The following DLG5 variants were observed in gnomAD, a reference collection of about 807,000 sequenced individuals.
DLG5 encodes the protein disks large homolog 5.
A neutral mutation model predicts 189.8 loss-of-function variants in DLG5; 48 were observed. The observed-to-expected ratio is 0.25, with a 90% CI of 0.20 to 0.32. DLG5 has a LOEUF of 0.32. Ranked by LOEUF, DLG5 falls within the 10% of genes least tolerant of loss-of-function variation. The pLI is 1.00. For synonymous variants in DLG5, 1,016 were observed against 1,054.1 expected, an observed-to-expected ratio of 0.96 and a Z score of 0.70; for missense variants, 2,160 against 2,544.7, an observed-to-expected ratio of 0.85 and a Z score of 3.25.
At chr10:77,892,335 GA>G (rs1170324351) in intron 1 of DLG5, among the ~76,000 whole-genome samples, 3 of 152,232 alleles carry the variant, frequency 2.0e-5, no homozygotes, top group African/African-American at 7.2e-5. Context: ...TGGCCCATTA[GA>G]AAGTGAGGAC....
chr10:77,868,435 G>A (rs1265618920), intron 2 of DLG5: 4 of 277,784 alleles, frequency 1.4e-5, no homozygotes, highest in East Asian at 9.7e-5. Flanking sequence ...AGAATCTCAG[G>A]CATGTGACTC....
rs146009016 is a variant in DLG5, at chr10:77,792,496, C to A, written c.5704G>T (p.Ala1902Ser). 1 of 1,614,182 alleles carries A rather than the reference C, an allele frequency of 6.2e-7. No individual in the cohort carries two copies. Among genetic ancestry groups the A allele is most frequent in the African/African-American group, 1.3e-5 (1 of 75,040 alleles). Reference sequence around the variant, plus strand: ...TTATTTTGTTCTTGATTGACCATTGCCAAGATCTGAGTGCAAATGCTTGAC... The same window carrying A: ...TTATTTTGTTCTTGATTGACCATTGACAAGATCTGAGTGCAAATGCTTGAC... Reference protein sequence around the residue: ...ALSSICTQILAMVNQEQNKVL... With the variant: ...ALSSICTQILSMVNQEQNKVL... The change falls in exon 32 of 32, where the codon GCA becomes TCA. Residue 1902 changes from alanine to serine, a missense_variant. Ala to Ser is a moderately conservative substitution (Grantham distance 99, BLOSUM62 1). This residue lies in a region of DLG5 where 574 missense variants were observed against 644.2 expected (regional missense o/e 0.89). Coordinates refer to ENST00000372391, the MANE Select transcript of DLG5 (RefSeq NM_004747.4).
Position 77,806,883 on chromosome 10 carries a change from A to G in DLG5, c.4842T>C (p.Phe1614=), listed in dbSNP as rs1355752485. Residue 1614 remains phenylalanine, a synonymous_variant, in exon 26 of 32, where the codon TTT becomes TTC. Transcript: ENST00000372391. ...RLADVEQELS[F]KKDDILYVDD... ...CCACGTAGAGGATGTCGTCCTTCTT[A>G]AAGCTCAACTCTTGCTCCACATCTG... 8 of 1,614,046 alleles carry G rather than the reference A, an allele frequency of 5.0e-6. No homozygotes were observed. The highest frequency in any genetic ancestry group is 6.8e-6 in the Non-Finnish European group (8 of 1,179,904).
Position 77,794,977 on chromosome 10 carries a change from A to G in DLG5, c.5437-19T>C. ...GTCGGTTCTGGGGTGGGGGGTGCAG[A>G]GTGAGCCCTGGCGGGCAGTGAGGGG... is the stretch of plus-strand genomic sequence containing the variant. On this transcript the variant is annotated intron_variant, in intron 29 of 31. Transcript: ENST00000372391. The G allele has an allele frequency of 1.2e-6, 2 of 1,609,058 alleles. No individual in the cohort carries two copies. Among genetic ancestry groups the G allele is most frequent in the Non-Finnish European group, 1.7e-6 (2 of 1,176,932 alleles).
chr10:77,900,484 G>A (rs769330904), intron 1 of DLG5, among the ~76,000 whole-genome samples: 26 of 152,138 alleles, frequency 1.7e-4, no homozygotes, highest in Non-Finnish European at 3.7e-4. Flanking sequence ...TTCACCCCGG[G>A]GCCCCCTTCC....
chr10:77,857,334 C>T (rs1248831264), intron 2 of DLG5, among the ~76,000 whole-genome samples: 2 of 152,226 alleles, frequency 1.3e-5, no homozygotes, highest in Non-Finnish European at 2.9e-5. Context: ...GAAAGGCACA[C>T]CTGAAATCCA....
chr10:77,899,873 C>T (rs1435568167), intron 1 of DLG5, among the ~76,000 whole-genome samples: 1 of 152,188 alleles, frequency 6.6e-6, no homozygotes, highest in Non-Finnish European at 1.5e-5. Context: ...TCATCCTTAT[C>T]TTGGACCAGT....
chr10:77,913,706 A>AGCCTCCC (rs1846286476), intron 1 of DLG5, among the ~76,000 whole-genome samples: 1 of 152,078 alleles, frequency 6.6e-6, no homozygotes. Flanking sequence ...CTCCCGCCTC[A>AGCCTCCC]GCCTCCCGAA....
intron 1 of DLG5, among the ~76,000 whole-genome samples, chr10:77,876,806 G>A (rs562242019): frequency 6.6e-6 from 1 of 151,184 alleles, no homozygotes; most frequent in African/African-American, 2.4e-5. Flanking sequence ...TTTAACCTCA[G>A]GTATGCAGTG....
At chr10:77,925,813 C>A (rs1846668983) in intron 1 of DLG5, among the ~76,000 whole-genome samples, 1 of 152,110 alleles carries the variant, frequency 6.6e-6, no homozygotes. Context: ...GAGTAGGGGT[C>A]CTGGCCCAAG....
intron 1 of DLG5, among the ~76,000 whole-genome samples, chr10:77,874,828 A>G (rs1845034448): frequency 6.6e-6 from 1 of 152,236 alleles, no homozygotes; most frequent in African/African-American, 2.4e-5. Flanking sequence ...CCAGACCTGC[A>G]GAGGGCCCTT....
In DLG5 at chr10:77,796,729, C is replaced by T. The variant is rs541469297; in HGVS notation, c.5165-135G>A. ...CCCCCAGCTTCAGCACTGAAAATCTCGTGTCCCAGGCACAACCGGGCATCG... is the reference window on the plus strand; with the variant it reads ...CCCCCAGCTTCAGCACTGAAAATCTTGTGTCCCAGGCACAACCGGGCATCG... On this transcript the variant is annotated intron_variant, in intron 27 of 31. Transcript: ENST00000372391. The surrounding 1 kb of genome is among the most constrained non-coding windows in gnomAD (Gnocchi z 5.2). 1.3e-4 allele frequency: 148 copies of T among 1,145,352 alleles called. 1 individual carries two copies. In the African/African-American group the frequency reaches 2.0e-3, roughly 15 times the overall value. 70.9% of individuals were successfully genotyped at this position (1,145,352 alleles called of 1,614,324 possible).
the DLG5 span, among the ~76,000 whole-genome samples, chr10:77,938,530 G>A: frequency 1.3e-5 from 2 of 152,154 alleles, no homozygotes; most frequent in Non-Finnish European, 2.9e-5. Flanking sequence ...TTGTCCTCAG[G>A]AACTCTCCAT....
chr10:77,870,839 G>A (rs987423907), intron 1 of DLG5, among the ~76,000 whole-genome samples: 1 of 152,120 alleles, frequency 6.6e-6, no homozygotes, highest in African/African-American at 2.4e-5. Flanking sequence ...GGCCCCTGGG[G>A]GACAGGAGAG....
chr10:77,830,808 T>G lies in DLG5; in HGVS notation c.1814A>C (p.His605Pro). Residue 605 changes from histidine (H) to proline (P), a missense_variant, in exon 10 of 32, where the codon CAC (histidine) becomes CCC (proline). This residue lies in a region of DLG5 where 664 missense variants were observed against 838.5 expected (regional missense o/e 0.79). Transcript: ENST00000372391. Reference sequence around the variant, plus strand: ...GGAATCCGTGTCAATGGCCGAGTCGTGGGAGCTGTGGGCCATCAGCTGTCG... The same window carrying G: ...GGAATCCGTGTCAATGGCCGAGTCGGGGGAGCTGTGGGCCATCAGCTGTCG... ...RFRQLMAHSS[H>P]DSAIDTDSME... 6.2e-7 allele frequency: 1 copy of G among 1,614,140 alleles called. No homozygotes were observed. Among genetic ancestry groups the G allele is most frequent in the Non-Finnish European group, 8.5e-7 (1 of 1,180,034 alleles).
chr10:77,876,439 A>G (rs1845092735), intron 1 of DLG5, among the ~76,000 whole-genome samples: 1 of 150,924 alleles, frequency 6.6e-6, no homozygotes, highest in Non-Finnish European at 1.5e-5. Context: ...CAGTGGCACA[A>G]TCTTAGCTCA....
chr10:77,880,682 A>T (rs1455004340), intron 1 of DLG5, among the ~76,000 whole-genome samples: 1 of 152,180 alleles, frequency 6.6e-6, no homozygotes, highest in Non-Finnish European at 1.5e-5. Flanking sequence ...GAGACCCTTC[A>T]GTGTATACTA....
At chr10:77,896,442 T>C (rs1327402350) in intron 1 of DLG5, among the ~76,000 whole-genome samples, 1 of 152,230 alleles carries the variant, frequency 6.6e-6, no homozygotes, top group Non-Finnish European at 1.5e-5. Flanking sequence ...GGTTTGTGCA[T>C]ACTTCAAGGT....
intron 7 of DLG5, among the ~76,000 whole-genome samples, chr10:77,837,820 T>G (rs1385663130): frequency 6.6e-6 from 1 of 152,162 alleles, no homozygotes; most frequent in African/African-American, 2.4e-5. Flanking sequence ...GTCTCTTTCT[T>G]CCTGTGCTGG....
Sources: gnomAD v4.1 joint callset for allele counts (sites outside exome capture counted in the v4.1 genomes callset) on GRCh38, gnomAD v4.1.1 for gene constraint, gnomAD v4.1.1 regional missense constraint, Gnocchi (gnomAD v3.1) non-coding constraint, MANE v1.5 for transcripts, NCBI Gene and HGNC (gene_info 2026-07-23, HGNC 2026-07-21) for gene names.